ANK1: variants seen among roughly 807,000 people sequenced by gnomAD.
ANK1 encodes ankyrin 1.
Under a neutral mutation model 210.4 loss-of-function variants are expected in ANK1, and 51 were observed. That is an observed-to-expected ratio of 0.24 (90% CI 0.19 to 0.31). The LOEUF (loss-of-function observed/expected upper bound fraction) is 0.31, where lower values mean the gene tolerates loss of function less well. Ranked by LOEUF, ANK1 falls within the 10% of genes least tolerant of loss-of-function variation. The probability of loss-of-function intolerance (pLI) is 1.00; values close to 1 mark genes in which losing one functional copy is unlikely to be tolerated. For missense variants in ANK1, 2,051 were observed against 2,504.4 expected, an observed-to-expected ratio of 0.82 and a Z score of 3.86; for synonymous variants, 967 against 1,025.9, an observed-to-expected ratio of 0.94 and a Z score of 1.10.
At chr8:41,831,007 A>T (rs1366002807) in intron 1 of ANK1, among the ~76,000 whole-genome samples, 1 of 152,204 alleles carries the variant, frequency 6.6e-6, no homozygotes. Context: ...TTGGTGGCCC[A>T]ATGTGTCCCA....
intron 37 of ANK1, among the ~76,000 whole-genome samples, chr8:41,683,211 C>T (rs539817957): frequency 9.7e-4 from 147 of 152,316 alleles, no homozygotes; most frequent in African/African-American, 2.9e-3. Flanking sequence ...GCCGGCTCTG[C>T]GCCTGCCGAA....
intron 37 of ANK1, among the ~76,000 whole-genome samples, chr8:41,679,593 C>T (rs1213715340): frequency 8.0e-6 from 1 of 125,030 alleles, no homozygotes; most frequent in Non-Finnish European, 1.6e-5. Context: ...GACAGAGTCT[C>T]ACTCTGTGGC....
At chr8:41,769,916 T>G (rs1426903416) in intron 1 of ANK1, among the ~76,000 whole-genome samples, 3 of 151,866 alleles carry the variant, frequency 2.0e-5, no homozygotes, top group African/African-American at 7.3e-5. Context: ...ACTGATAATA[T>G]TAAACACCTT....
At chr8:41,684,280 G>A (rs1817005882) in intron 37 of ANK1, among the ~76,000 whole-genome samples, 1 of 152,252 alleles carries the variant, frequency 6.6e-6, no homozygotes. Context: ...CGCAGTTGCT[G>A]ATGGCAAGGG....
Position 41,765,475 on chromosome 8 carries a change from G to A in ANK1, c.28-7338C>T, listed in dbSNP as rs563305191. Among the ~76,000 whole-genome samples, 23 of 152,152 alleles carry A rather than the reference G, an allele frequency of 1.5e-4. No individual in the cohort carries two copies. The South Asian group carries it at 4.8e-3, about 32-fold the overall frequency. ...TTGCCCAGGCTGGTCTTGAACTCCTGGCCTCAAGCAATCTTCCCACCTCCA... is the reference window on the plus strand; with the variant it reads ...TTGCCCAGGCTGGTCTTGAACTCCTAGCCTCAAGCAATCTTCCCACCTCCA... On this transcript the variant is annotated intron_variant, in intron 1 of 42. Coordinates refer to ENST00000289734, the MANE Select transcript of ANK1 (RefSeq NM_000037.4).
rs1585716006 is a variant in ANK1, at chr8:41,654,303, G to A, written c.*1487C>T. The stretch of plus-strand genomic sequence containing the variant: ...CAGCTGTCTGTCTCCTTCCTGCCTT[G>A]ACCCAGAGCCTGGCCCCGGCCTCTG... On this transcript the variant is annotated 3_prime_UTR_variant, in exon 43 of 43. Coordinates refer to ENST00000289734, the MANE Select transcript of ANK1 (RefSeq NM_000037.4). 1 of 152,750 alleles carries A rather than the reference G, an allele frequency of 6.5e-6. No individual in the cohort carries two copies. Among genetic ancestry groups the A allele is most frequent in the South Asian group, 2.1e-4 (1 of 4,830 alleles). 9.5% of individuals were successfully genotyped at this position (152,750 alleles called of 1,614,324 possible). A position where few individuals can be genotyped will look rare whatever the true frequency, so the allele number is the denominator to read the frequency against.
Position 41,715,948 on chromosome 8 carries a change from G to A in ANK1, c.1405-99C>T, listed in dbSNP as rs1037908625. On this transcript the variant is annotated intron_variant, in intron 13 of 42. Coordinates refer to ENST00000289734, the MANE Select transcript of ANK1 (RefSeq NM_000037.4). ...GCAAGGCAGGGCCCAGAGAGGGCAA[G>A]TGACCTTCTCAAGGTCACACAGCTA... The A allele has an allele frequency of 2.1e-6, 3 of 1,409,776 alleles. No homozygotes were observed. The African/African-American group carries it at 4.2e-5, about 20-fold the overall frequency. The allele number at this position is 1,409,776 out of a possible 1,614,324, so 87.3% of individuals were successfully genotyped here. A position where few individuals can be genotyped will look rare whatever the true frequency, so the allele number is the denominator to read the frequency against.
At position 41,653,754 on chromosome 8, in the gene ANK1, G is replaced by A. The variant is rs548869857; in HGVS notation, c.*2036C>T. On this transcript the variant is annotated 3_prime_UTR_variant, in exon 43 of 43. Coordinates refer to ENST00000289734, the MANE Select transcript of ANK1 (RefSeq NM_000037.4). ...GGGCGCCTCTGCGCCCTGGAGGCCG[G>A]GCCGGGGTGGCCTCTGGCGGAGACG... The A allele has an allele frequency of 2.6e-5, 4 of 152,434 alleles. No homozygotes were observed. The East Asian group carries it at 5.8e-4, about 22-fold the overall frequency. The allele number at this position is 152,434 out of a possible 1,614,324, so 9.4% of individuals were successfully genotyped here. A position where few individuals can be genotyped will look rare whatever the true frequency, so the allele number is the denominator to read the frequency against.
chr8:41,823,815 C>G (rs1302078486), intron 1 of ANK1, among the ~76,000 whole-genome samples: 2 of 152,114 alleles, frequency 1.3e-5, no homozygotes, highest in Non-Finnish European at 2.9e-5. Context: ...ACAGTGAAGT[C>G]CACTCTCTGC....
At chr8:41,824,436 A>G (rs1173507737) in intron 1 of ANK1, among the ~76,000 whole-genome samples, 1 of 152,172 alleles carries the variant, frequency 6.6e-6, no homozygotes, top group South Asian at 2.1e-4. Context: ...GTCAGCACAA[A>G]CTACATTAAA....
chr8:41,663,911 G>A, intron 39 of ANK1, 169 bp from the exon 40 acceptor site: 1 of 683,172 alleles, frequency 1.5e-6, no homozygotes, highest in East Asian at 2.8e-5. Flanking sequence ...GGGCTCCCAG[G>A]GCGTGGGCGG....
chr8:41,661,688 T>C (rs1344671678), intron 41 of ANK1, 124 bp from the exon 42 acceptor site: 1 of 1,597,510 alleles, frequency 6.3e-7, no homozygotes, highest in South Asian at 1.1e-5. Flanking sequence ...GAAGAGAGAC[T>C]GGAGAGAGAG....
chr8:41,873,062 C>T (rs905484966), intron 1 of ANK1, among the ~76,000 whole-genome samples: 10 of 152,244 alleles, frequency 6.6e-5, no homozygotes, highest in African/African-American at 1.9e-4. Flanking sequence ...CTGAACGAGC[C>T]GTTCTCGTCT....
Position 41,718,109 on chromosome 8 carries a change from G to A in ANK1, c.1203C>T (p.Thr401=), listed in dbSNP as rs145628190. Residue 401 remains threonine, a synonymous_variant, in exon 11 of 43, where the codon ACC becomes ACT. Transcript: ENST00000289734. ...GCTCCTCTGCAGTCTCTCCTACCTC[G>A]GTGACCGCGTCGATCGAGGCTCCCG... The part of the protein sequence containing the change: ...LKTGASIDAV[T]ESGLTPLHVA... 847 of 1,613,610 alleles carry A rather than the reference G, an allele frequency of 5.2e-4. 2 individuals are homozygous for A. Among genetic ancestry groups the A allele is most frequent in the Non-Finnish European group, 6.0e-4 (712 of 1,179,938 alleles).
chr8:41,699,193 TGGGAGCCTGGGTGGGAGAGGAG>T (rs1176975062), intron 23 of ANK1, among the ~76,000 whole-genome samples: 2 of 151,794 alleles, frequency 1.3e-5, no homozygotes, highest in African/African-American at 4.8e-5. Context: ...TGGGAGAGGA[TGGGAGCCTGGGTGGGAGAGGAG>T]GGGAGCCTGG....
At chr8:41,810,352 T>A (rs541306092) in intron 1 of ANK1, among the ~76,000 whole-genome samples, 1 of 152,330 alleles carries the variant, frequency 6.6e-6, no homozygotes, top group East Asian at 1.9e-4. Flanking sequence ...TCAGGAGGTA[T>A]AAAGATTGGA....
In ANK1 at chr8:41,723,218, T is replaced by C; in HGVS notation, c.816A>G (p.Glu272=). The change falls in exon 9 of 43, where the codon GAA becomes GAG. Residue 272 remains glutamate (E), a synonymous_variant. Transcript: ENST00000289734. ...GAGCTGCACAGTGGAGAGGTGTCAA[T>C]TCGTCCTTTAAAAGACAGAGTCAAA... ...GAQIETKTKD[E]LTPLHCAARN... 6.2e-7 allele frequency: 1 copy of C among 1,614,124 alleles called. No individual in the cohort carries two copies. Among genetic ancestry groups the C allele is most frequent in the African/African-American group, 1.3e-5 (1 of 75,010 alleles).
intron 1 of ANK1, among the ~76,000 whole-genome samples, chr8:41,766,540 T>TTA (rs1841827284): frequency 1.3e-5 from 2 of 152,208 alleles, no homozygotes; most frequent in African/African-American, 4.8e-5. Flanking sequence ...GGGCTCCCTC[T>TTA]TAATCTCTCA....
intron 34 of ANK1, 58 bp from the exon 35 acceptor site, chr8:41,688,288 T>C (rs1818253270): frequency 1.3e-6 from 2 of 1,559,634 alleles, no homozygotes; most frequent in Non-Finnish European, 8.8e-7. Flanking sequence ...TTGACAGGCC[T>C]GAGGACACGG....
Sources: allele counts gnomAD v4.1 joint callset (sites outside exome capture counted in the v4.1 genomes callset), GRCh38; gene constraint gnomAD v4.1.1; transcripts MANE v1.5; gene names NCBI Gene and HGNC (gene_info 2026-07-23, HGNC 2026-07-21).